Variants in TBC1D21 observed in about 807,000 individuals in gnomAD.
TBC1D21 encodes male germ cell Rab GTPase-activating protein.
TBC1D21 carries 38 observed loss-of-function variants against 46.0 expected under a neutral mutation model. The observed-to-expected ratio is 0.83, with a 90% CI of 0.64 to 1.08. The LOEUF (loss-of-function observed/expected upper bound fraction) is 1.08, where lower values mean the gene tolerates loss of function less well. TBC1D21 is among the 50% of genes least tolerant of loss of function. The pLI is 0.00. For missense variants in TBC1D21, 415 were observed against 417.9 expected (o/e 0.99, Z 0.06); for synonymous variants, 151 against 157.2 (o/e 0.96, Z 0.29).
At chr15:73,876,280 T>A (rs1022338302) in intron 1 of TBC1D21, among the ~76,000 whole-genome samples, 3 of 130,894 alleles carry the variant, frequency 2.3e-5, no homozygotes, top group Non-Finnish European at 3.1e-5. Flanking sequence ...CAGGCTGGAG[T>A]GCAGTGGTGC....
At chr15:73,905,155 C>G in the TBC1D21 span, among the ~76,000 whole-genome samples, 1 of 152,192 alleles carries the variant, frequency 6.6e-6, no homozygotes, top group African/African-American at 2.4e-5. Flanking sequence ...CCTCTAGCCC[C>G]AGCCATCATG....
intron 3 of TBC1D21, among the ~76,000 whole-genome samples, chr15:73,883,005 G>A (rs148522591): frequency 6.6e-6 from 1 of 152,352 alleles, no homozygotes; most frequent in Non-Finnish European, 1.5e-5. Context: ...GTCCATGGGA[G>A]GGCTCCGTAC....
At chr15:73,891,598 G>A (rs758877579), downstream of TBC1D21, among the ~76,000 whole-genome samples, 101 of 152,216 alleles carry the variant, frequency 6.6e-4, no homozygotes, top group Non-Finnish European at 9.0e-4. Context: ...ACTCTTGGGG[G>A]CCCTTGAAAC....
chr15:73,880,476 A>C (rs2141559699), intron 1 of TBC1D21, among the ~76,000 whole-genome samples: 1 of 152,320 alleles, frequency 6.6e-6, no homozygotes, highest in African/African-American at 2.4e-5. Context: ...GAAAATTTTA[A>C]AAATACAAGA....
chr15:73,880,174 C>T (rs922924068), intron 1 of TBC1D21, among the ~76,000 whole-genome samples: 29 of 152,160 alleles, frequency 1.9e-4, no homozygotes, highest in African/African-American at 7.0e-4. Flanking sequence ...GGATTACAAG[C>T]ATGAGCCACT....
In TBC1D21 at chr15:73,881,513, C is replaced by A. The variant is rs748336345; in HGVS notation, c.168+7C>A. The stretch of plus-strand genomic sequence containing the variant: ...TGTTAACATCCTGGAAAGGGTGGGT[C>A]CCCAAGCTACCCTTGGCCTTGCCCT... On this transcript the variant is annotated splice_region_variant and intron_variant, in intron 2 of 10. Coordinates refer to ENST00000300504, the MANE Select transcript of TBC1D21 (RefSeq NM_153356.3). 1 of 1,612,530 alleles carries A rather than the reference C, an allele frequency of 6.2e-7. No homozygotes were observed. Among genetic ancestry groups the A allele is most frequent in the Non-Finnish European group, 8.5e-7 (1 of 1,178,624 alleles).
the TBC1D21 span, among the ~76,000 whole-genome samples, chr15:73,905,554 C>T: frequency 6.6e-6 from 1 of 152,324 alleles, no homozygotes; most frequent in African/African-American, 2.4e-5. Context: ...AATTTTCACA[C>T]CTTTTCTTAA....
chr15:73,905,420 T>G, the TBC1D21 span, among the ~76,000 whole-genome samples: 8 of 152,364 alleles, frequency 5.3e-5, no homozygotes, highest in South Asian at 1.7e-3. Flanking sequence ...ATGTGCCGAC[T>G]CAGCAGTCTG....
At position 73,881,505 on chromosome 15, in the gene TBC1D21, G is replaced by C; in HGVS notation, c.167G>C (p.Arg56Thr). 6.2e-7 allele frequency: 1 copy of C among 1,614,082 alleles called. No homozygotes were observed. Among genetic ancestry groups the C allele is most frequent in the African/African-American group, 1.3e-5 (1 of 75,056 alleles). Reference sequence around the variant, plus strand: ...TTCATTTGTGTTAACATCCTGGAAAGGGTGGGTCCCCAAGCTACCCTTGGC... The same window carrying C: ...TTCATTTGTGTTAACATCCTGGAAACGGTGGGTCCCCAAGCTACCCTTGGC... Reference protein sequence around the residue: ...RDFICVNILERGLHPFVRTEA... With the variant: ...RDFICVNILETGLHPFVRTEA... Residue 56 changes from arginine (R) to threonine (T), a missense_variant and splice_region_variant, in exon 2 of 11, where the codon AGG (arginine) becomes ACG (threonine). By Grantham distance (71) the Arg-to-Thr change is moderately conservative. Coordinates refer to ENST00000300504, the MANE Select transcript of TBC1D21 (RefSeq NM_153356.3).
At position 73,884,303 on chromosome 15, in the gene TBC1D21, C is replaced by T. The variant is rs1397103079; in HGVS notation, c.367+58C>T. 10 of 1,484,730 alleles carry T rather than the reference C, an allele frequency of 6.7e-6. No individual in the cohort carries two copies. The East Asian group carries it at 2.3e-4, about 34-fold the overall frequency. The allele number at this position is 1,484,730 out of a possible 1,614,324, so 92.0% of individuals were successfully genotyped here. On this transcript the variant is annotated intron_variant, in intron 4 of 10. Transcript: ENST00000300504. Reference sequence around the variant, plus strand: ...AGGGAGGGCTTGAAGCCAACCCTGCCCCCTTCTCAGCCACTTCCAGGGAGG... The same window carrying T: ...AGGGAGGGCTTGAAGCCAACCCTGCTCCCTTCTCAGCCACTTCCAGGGAGG...
At chr15:73,888,621 C>T (rs567873632) in intron 10 of TBC1D21, 108 bp downstream of exon 10, 14 of 751,482 alleles carry the variant, frequency 1.9e-5, no homozygotes, top group South Asian at 6.6e-5. Context: ...CCTCCTCCTC[C>T]TCTTCTTCCT....
intron 1 of TBC1D21, among the ~76,000 whole-genome samples, chr15:73,874,877 G>A (rs1484732279): frequency 6.6e-6 from 1 of 152,186 alleles, no homozygotes; most frequent in Non-Finnish European, 1.5e-5. Flanking sequence ...CCACACCTGG[G>A]TTGGTAATAA....
intron 1 of TBC1D21, among the ~76,000 whole-genome samples, chr15:73,877,158 C>T (rs1422832029): frequency 6.6e-6 from 1 of 152,130 alleles, no homozygotes; most frequent in Non-Finnish European, 1.5e-5. Flanking sequence ...TCATCAATTG[C>T]TTTTTAATGT....
intron 1 of TBC1D21, 35 bp downstream of exon 1, chr15:73,873,804 C>T (rs1188923807): frequency 6.3e-7 from 1 of 1,599,798 alleles, no homozygotes; most frequent in Admixed American, 1.7e-5. Context: ...GTGCCTCCCT[C>T]CCCAGCCTCT....
chr15:73,884,382 C>T, intron 4 of TBC1D21, 137 bp downstream of exon 4: 1 of 817,038 alleles, frequency 1.2e-6, no homozygotes. Context: ...GTTTCGCCAG[C>T]TGAACCTTGG....
the TBC1D21 span, among the ~76,000 whole-genome samples, chr15:73,900,967 T>C: frequency 6.6e-6 from 1 of 152,194 alleles, no homozygotes; most frequent in Non-Finnish European, 1.5e-5. Flanking sequence ...TTATAGAAAC[T>C]GGGACTCAAA....
At chr15:73,886,483 G>A in intron 7 of TBC1D21, 29 bp from the exon 8 acceptor site, 1 of 1,603,228 alleles carries the variant, frequency 6.2e-7, no homozygotes, top group Non-Finnish European at 8.5e-7. Context: ...GTTTTCCCCT[G>A]ACCACAGCCT....
the TBC1D21 span, among the ~76,000 whole-genome samples, chr15:73,895,877 A>T: frequency 6.6e-6 from 1 of 152,282 alleles, no homozygotes; most frequent in Non-Finnish European, 1.5e-5. Flanking sequence ...GCCAGGCAGG[A>T]TATTCTTCTC....
At chr15:73,890,273 G>A (rs900832548), downstream of TBC1D21, among the ~76,000 whole-genome samples, 6 of 152,216 alleles carry the variant, frequency 3.9e-5, no homozygotes, top group East Asian at 1.9e-4. Context: ...CCCCTCAGGC[G>A]ACAGTCTCCC....
Sources: allele counts gnomAD v4.1 joint callset (sites outside exome capture counted in the v4.1 genomes callset), GRCh38; gene constraint gnomAD v4.1.1; transcripts MANE v1.5; gene names NCBI Gene and HGNC (gene_info 2026-07-23, HGNC 2026-07-21).